The following CNGA2 variants were observed in gnomAD, a reference collection of about 807,000 sequenced individuals.
CNGA2 encodes cyclic nucleotide gated channel subunit alpha 2.
CNGA2 carries 22 observed loss-of-function variants against 35.9 expected under a neutral mutation model. The ratio of observed to expected loss-of-function variants is 0.61; its 90% CI spans 0.44 to 0.88. The LOEUF is 0.88. Ranked by LOEUF, CNGA2 falls within the 40% of genes least tolerant of loss-of-function variation. The pLI, the probability that CNGA2 is intolerant of heterozygous loss-of-function variation, is 0.00. For synonymous variants in CNGA2, 217 were observed against 209.2 expected (o/e 1.04, Z -0.32); for missense variants, 555 against 530.8 (o/e 1.05, Z -0.45).
chrX:151,740,681 T>C, intron 4 of CNGA2, 113 bp from the exon 5 acceptor site: 1 of 590,287 alleles, frequency 1.7e-6, no homozygotes, highest in African/African-American at 2.2e-5. Flanking sequence ...TCACCCCACA[T>C]ATACCCTTCG....
chrX:151,739,565 A>G lies in CNGA2; in HGVS notation c.207A>G (p.Ile69Met), dbSNP rs1371878871. 8.3e-7 allele frequency: 1 copy of G among 1,210,881 alleles called. No individual in the cohort carries two copies. Among genetic ancestry groups the G allele is most frequent in the Non-Finnish European group, 1.1e-6 (1 of 895,040 alleles). The change falls in exon 4 of 7, where the codon ATA becomes ATG. Residue 69 changes from isoleucine to methionine, a missense_variant. Ile to Met is a conservative substitution (Grantham distance 10). Transcript: ENST00000329903. ...PQQGRSGFRR[I>M]VRLVGIIREW... ...ACTCTTTTTCTCTCACCTCTAGGAT[A>G]GTTCGCCTGGTGGGGATCATCAGAG...
At chrX:151,743,034 ATATATG>A in intron 6 of CNGA2, 53 bp from the exon 7 acceptor site, 1 of 408,569 alleles carries the variant, frequency 2.4e-6, no homozygotes. Context: ...ATATGCACAT[ATATATG>A]TATATATATA....
intron 5 of CNGA2, 119 bp downstream of exon 5, chrX:151,741,020 C>A: frequency 1.9e-6 from 1 of 517,325 alleles, no homozygotes; most frequent in East Asian, 3.4e-5. Flanking sequence ...TTAACCCCAA[C>A]CCTCTCCCCA....
At chrX:151,737,586 C>T (rs2015260831) in intron 1 of CNGA2, among the ~76,000 whole-genome samples, 1 of 111,329 alleles carries the variant, frequency 9.0e-6, no homozygotes, top group African/African-American at 3.3e-5. Context: ...TGTCCAGCCT[C>T]CTCCCTGCCC....
At position 151,745,426 on chromosome X, in the gene CNGA2, G is replaced by C. The variant is rs954038426; in HGVS notation, c.*928G>C. 9.9e-5 allele frequency: 11 copies of C among 111,404 alleles called. No individual in the cohort carries two copies. Among genetic ancestry groups the C allele is most frequent in the Non-Finnish European group, 1.3e-4 (7 of 53,094 alleles). The allele number at this position is 111,404 out of a possible 1,213,427, so 9.2% of individuals were successfully genotyped here. On this transcript the variant is annotated 3_prime_UTR_variant, in exon 7 of 7. Coordinates refer to ENST00000329903, the MANE Select transcript of CNGA2 (RefSeq NM_005140.3). ...GGGATTGCTTTCAGGAGTCCCCATGGATACCAAAATTTGTGGATGTTCAAG... is the reference window on the plus strand; with the variant it reads ...GGGATTGCTTTCAGGAGTCCCCATGCATACCAAAATTTGTGGATGTTCAAG...
At chrX:151,738,200 G>T (rs925904535) in intron 1 of CNGA2, among the ~76,000 whole-genome samples, 1 of 111,799 alleles carries the variant, frequency 8.9e-6, no homozygotes, top group African/African-American at 3.2e-5. Flanking sequence ...AAAAGCAAAC[G>T]CATTTTGTAG....
At chrX:151,736,183 C>T (rs112346801) in intron 1 of CNGA2, among the ~76,000 whole-genome samples, 8,694 of 111,346 alleles carry the variant, frequency 0.078, 295 homozygotes, top group African/African-American at 0.13. Flanking sequence ...CTACCCTTAG[C>T]TTTTTTCTCT....
At chrX:151,737,860 G>A (rs932768424) in intron 1 of CNGA2, among the ~76,000 whole-genome samples, 1 of 105,871 alleles carries the variant, frequency 9.4e-6, no homozygotes, top group Non-Finnish European at 1.9e-5. Flanking sequence ...CCTGGCCCAA[G>A]GGAGGAGGTG....
chrX:151,739,457 T>C, intron 3 of CNGA2, 105 bp from the exon 4 acceptor site: 2 of 891,389 alleles, frequency 2.2e-6, no homozygotes, highest in Non-Finnish European at 3.1e-6. Context: ...GGTTTCACTG[T>C]CCTTCTTTCA....
In CNGA2 at chrX:151,744,461, T is replaced by C. The variant is rs1278559845; in HGVS notation, c.1958T>C (p.Met653Thr). ...NNEDDYLSDG[M>T]NSPELAAADE... ...GAAGATGACTACCTGTCTGATGGGA[T>C]GAACAGCCCTGAGCTGGCTGCTGCT... is the stretch of plus-strand genomic sequence containing the variant. Residue 653 changes from methionine to threonine, a missense_variant, in exon 7 of 7, where the codon ATG (methionine) becomes ACG (threonine). Physicochemically the swap from Met to Thr is moderately conservative, Grantham distance 81 (BLOSUM62 -1). Coordinates refer to ENST00000329903, the MANE Select transcript of CNGA2 (RefSeq NM_005140.3). The C allele has an allele frequency of 8.4e-7, 1 of 1,192,926 alleles. No individual in the cohort carries two copies. Among genetic ancestry groups the C allele is most frequent in the South Asian group, 1.9e-5 (1 of 53,609 alleles).
chrX:151,743,649 G>C lies in CNGA2; in HGVS notation c.1146G>C (p.Arg382=). The C allele has an allele frequency of 1.7e-6, 2 of 1,211,577 alleles. No individual in the cohort carries two copies. Among genetic ancestry groups the C allele is most frequent in the Non-Finnish European group, 2.2e-6 (2 of 895,530 alleles). Residue 382 remains arginine, a synonymous_variant, in exon 7 of 7, where the codon CGG becomes CGC. Transcript: ENST00000329903. The part of the protein sequence containing the change: ...GSMISNMNAT[R]AEFQAKIDAV... The stretch of plus-strand genomic sequence containing the variant: ...TGATCTCCAACATGAATGCCACCCG[G>C]GCAGAGTTCCAGGCTAAGATCGATG...
rs375835366 is a variant in CNGA2, at chrX:151,742,990, ATG to A, written c.590-99_590-98del. The A allele has an allele frequency of 3.5e-4, 8 of 22,904 alleles. 1 individual carries two copies. The highest frequency in any genetic ancestry group is 3.7e-3 in the East Asian group (2 of 547). 1.9% of individuals were successfully genotyped at this position (22,904 alleles called of 1,213,427 possible). A position where few individuals can be genotyped will look rare whatever the true frequency, so the allele number is the denominator to read the frequency against. Reference sequence around the variant, plus strand: ...TATATATGTATATATATACATATATATGTGTATATATATATACACATATATAT... The same window carrying A: ...TATATATGTATATATATACATATATATGTATATATATATACACATATATAT... On this transcript the variant is annotated intron_variant, in intron 6 of 6. Coordinates refer to ENST00000329903, the MANE Select transcript of CNGA2 (RefSeq NM_005140.3).
Position 151,738,444 on chromosome X carries a change from C to G in CNGA2, c.-26-14C>G, listed in dbSNP as rs1327853461. On this transcript the variant is annotated splice_polypyrimidine_tract_variant and intron_variant, in intron 1 of 6. Coordinates refer to ENST00000329903, the MANE Select transcript of CNGA2 (RefSeq NM_005140.3). ...GGTCCTCTGTGACCTTCTTCTTGGC[C>G]CTCTTCCTGGCAGATAAGTGCTCTG... is the stretch of plus-strand genomic sequence containing the variant. 9.1e-7 allele frequency: 1 copy of G among 1,097,896 alleles called. No homozygotes were observed. The highest frequency in any genetic ancestry group is 1.8e-5 in the African/African-American group (1 of 54,713). 90.5% of individuals were successfully genotyped at this position (1,097,896 alleles called of 1,213,427 possible).
intron 1 of CNGA2, among the ~76,000 whole-genome samples, chrX:151,736,084 C>T (rs942566047): frequency 1.8e-5 from 2 of 111,709 alleles, no homozygotes; most frequent in African/African-American, 6.5e-5. Context: ...TCCCTGGGAA[C>T]TCCCTCATGT....
intron 4 of CNGA2, 120 bp from the exon 5 acceptor site, chrX:151,740,674 C>T: frequency 1.8e-6 from 1 of 548,135 alleles, no homozygotes; most frequent in South Asian, 2.9e-5. Flanking sequence ...CCATCTTTCA[C>T]CCCACATATA....
chrX:151,745,453 C>A lies in CNGA2; in HGVS notation c.*955C>A, dbSNP rs2015367448. ...TACCAAAATTTGTGGATGTTCAAGT[C>A]CCTGATACAAAATGACGTCGTATTT... On this transcript the variant is annotated 3_prime_UTR_variant, in exon 7 of 7. Coordinates refer to ENST00000329903, the MANE Select transcript of CNGA2 (RefSeq NM_005140.3). 9.0e-6 allele frequency: 1 copy of A among 111,629 alleles called. No homozygotes were observed. Among genetic ancestry groups the A allele is most frequent in the South Asian group, 3.8e-4 (1 of 2,623 alleles). 9.2% of individuals were successfully genotyped at this position (111,629 alleles called of 1,213,427 possible). A position where few individuals can be genotyped will look rare whatever the true frequency, so the allele number is the denominator to read the frequency against.
rs747811111 is a variant in CNGA2 at position 151,743,156 on chromosome X, C to T, written c.653C>T (p.Thr218Ile). ...TKKLRDNYIH[T>I]LQFKLDVASI... ...AAACTGCGAGACAACTACATCCACA[C>T]CCTGCAGTTCAAGCTGGATGTGGCT... The change falls in exon 7 of 7, where the codon ACC becomes ATC. Residue 218 changes from threonine (T) to isoleucine (I), a missense_variant. Physicochemically the swap from Thr to Ile is moderately conservative, Grantham distance 89. Transcript: ENST00000329903. The T allele has an allele frequency of 8.3e-7, 1 of 1,202,389 alleles. No individual in the cohort carries two copies. The highest frequency in any genetic ancestry group is 2.2e-5 in the Admixed American group (1 of 44,904).
chrX:151,741,237 C>T (rs1007920307), intron 5 of CNGA2, among the ~76,000 whole-genome samples: 1 of 111,981 alleles, frequency 8.9e-6, no homozygotes, highest in African/African-American at 3.3e-5. Flanking sequence ...GGCCTTCAAA[C>T]TCCTCTGGAC....
rs2015352656 is a variant in CNGA2 at position 151,744,330 on chromosome X, A to T, written c.1827A>T (p.Glu609Asp). The change falls in exon 7 of 7, where the codon GAA (glutamate) becomes GAT (aspartate). Residue 609 changes from glutamate to aspartate, a missense_variant. Transcript: ENST00000329903. ...EKLGQLETNM[E>D]TLYTRFGRLL... The stretch of plus-strand genomic sequence containing the variant: ...TAGGGCAGCTGGAGACCAACATGGA[A>T]ACCTTGTACACTCGCTTTGGCCGCC... 8.3e-7 allele frequency: 1 copy of T among 1,208,745 alleles called. No homozygotes were observed. The highest frequency in any genetic ancestry group is 1.8e-5 in the South Asian group (1 of 56,673).
Sources: allele counts gnomAD v4.1 joint callset (sites outside exome capture counted in the v4.1 genomes callset), GRCh38; gene constraint gnomAD v4.1.1; transcripts MANE v1.5; gene names NCBI Gene and HGNC (gene_info 2026-07-23, HGNC 2026-07-21).